PAPPA: variants seen among roughly 807,000 people sequenced by gnomAD.
PAPPA encodes pappalysin 1, also known as pappalysin-1.
Under a neutral mutation model 164.0 loss-of-function variants are expected in PAPPA, and 60 were observed. The ratio of observed to expected loss-of-function variants is 0.37; its 90% CI spans 0.30 to 0.45. PAPPA has a LOEUF of 0.45. PAPPA is among the 20% of genes least tolerant of loss of function. The pLI is 1.00. For synonymous variants in PAPPA, 875 were observed against 814.1 expected, an observed-to-expected ratio of 1.07 and a Z score of -1.27; for missense variants, 1,782 against 2,087.3, an observed-to-expected ratio of 0.85 and a Z score of 2.85.
chr9:116,317,869 C>A (rs150465084), intron 10 of PAPPA, among the ~76,000 whole-genome samples: 2 of 152,318 alleles, frequency 1.3e-5, no homozygotes, highest in African/African-American at 4.8e-5. Context: ...AGAGTCTACA[C>A]TGGTTTTATA....
At chr9:116,357,197 G>A (rs561946459) in intron 17 of PAPPA, among the ~76,000 whole-genome samples, 1 of 152,304 alleles carries the variant, frequency 6.6e-6, no homozygotes, top group South Asian at 2.1e-4. Flanking sequence ...ATGTAGCTAT[G>A]GAGCACTTGA....
At position 116,219,903 on chromosome 9, in the gene PAPPA, C is replaced by G; in HGVS notation, c.1919-34C>G. 2.6e-6 allele frequency: 4 copies of G among 1,565,920 alleles called. No homozygotes were observed. In the South Asian group the frequency reaches 3.4e-5, roughly 13 times the overall value. On this transcript the variant is annotated intron_variant, in intron 4 of 21. Coordinates refer to ENST00000328252, the MANE Select transcript of PAPPA (RefSeq NM_002581.5). The stretch of plus-strand genomic sequence containing the variant: ...TCTCATATGCCTGCCTGCCTTGCGG[C>G]TTGGTGCTTATCTCTCCCTCTGCCT...
At chr9:116,392,458 G>C (rs750606779) in intron 21 of PAPPA, among the ~76,000 whole-genome samples, 6 of 152,168 alleles carry the variant, frequency 3.9e-5, no homozygotes, top group Non-Finnish European at 7.3e-5. Flanking sequence ...AGGTGGTGCA[G>C]AGTCAGAGAG....
Position 116,353,701 on chromosome 9 carries a change from C to T in PAPPA, c.4255C>T (p.Pro1419Ser), listed in dbSNP as rs576491943. ...ACVPVTCDPPPPKFHGLYQCT... is the reference protein window; with the variant it reads ...ACVPVTCDPPSPKFHGLYQCT... Reference sequence around the variant, plus strand: ...TGTTCCTGTGACCTGTGACCCACCTCCACCAAAATTCCATGGGCTCTACCA... The same window carrying T: ...TGTTCCTGTGACCTGTGACCCACCTTCACCAAAATTCCATGGGCTCTACCA... The change falls in exon 17 of 22, where the codon CCA (proline) becomes TCA (serine). Residue 1419 changes from proline to serine, a missense_variant. Physicochemically the swap from Pro to Ser is moderately conservative, Grantham distance 74 (BLOSUM62 -1). This residue lies in a region of PAPPA where 1,324 missense variants were observed against 1,656.9 expected (regional missense o/e 0.80). Coordinates refer to ENST00000328252, the MANE Select transcript of PAPPA (RefSeq NM_002581.5). 1.2e-6 allele frequency: 2 copies of T among 1,614,114 alleles called. No homozygotes were observed. Among genetic ancestry groups the T allele is most frequent in the Admixed American group, 1.7e-5 (1 of 60,022 alleles).
chr9:116,382,605 G>A, intron 21 of PAPPA, 112 bp downstream of exon 21: 1 of 701,542 alleles, frequency 1.4e-6, no homozygotes, highest in Non-Finnish European at 2.6e-6. Context: ...TGCCAGCACT[G>A]TCCACACGCT....
intron 12 of PAPPA, 49 bp from the exon 13 acceptor site, chr9:116,334,812 G>T: frequency 6.9e-7 from 1 of 1,442,398 alleles, no homozygotes. Flanking sequence ...GGCGTGACTG[G>T]CCTTGAGTAA....
At chr9:116,292,412 C>T (rs1845448074) in intron 9 of PAPPA, among the ~76,000 whole-genome samples, 1 of 151,988 alleles carries the variant, frequency 6.6e-6, no homozygotes, top group Admixed American at 6.6e-5. Context: ...AATGATAGAA[C>T]AAATTAGATC....
intron 1 of PAPPA, among the ~76,000 whole-genome samples, chr9:116,180,933 G>A (rs1229639331): frequency 6.6e-6 from 1 of 152,168 alleles, no homozygotes; most frequent in Non-Finnish European, 1.5e-5. Context: ...TTTCTGATCT[G>A]TAAATAGTAC....
chr9:116,204,237 C>T (rs1337721102), intron 2 of PAPPA, among the ~76,000 whole-genome samples: 10 of 152,128 alleles, frequency 6.6e-5, no homozygotes, highest in South Asian at 2.1e-4. Flanking sequence ...AAAGCTTCTA[C>T]GCAGATTAAG....
At chr9:116,317,131 C>A (rs567443624) in intron 10 of PAPPA, among the ~76,000 whole-genome samples, 2 of 152,278 alleles carry the variant, frequency 1.3e-5, no homozygotes, top group African/African-American at 2.4e-5. Context: ...AAACAACAAC[C>A]TGGAAACTTC....
chr9:116,225,649 A>G (rs1429131154), intron 5 of PAPPA, among the ~76,000 whole-genome samples: 2 of 152,158 alleles, frequency 1.3e-5, no homozygotes, highest in Non-Finnish European at 2.9e-5. Flanking sequence ...CTATTTAATG[A>G]TTCTCTTATC....
chr9:116,332,047 C>A (rs1845999712), intron 11 of PAPPA, among the ~76,000 whole-genome samples: 1 of 151,856 alleles, frequency 6.6e-6, no homozygotes, highest in Admixed American at 6.6e-5. Flanking sequence ...TTTTTTTAAT[C>A]CACCATTTGG....
chr9:116,154,277 C>G lies in PAPPA; in HGVS notation c.105C>G (p.Gly35=). 1.9e-6 allele frequency: 2 copies of G among 1,032,660 alleles called. No individual in the cohort carries two copies. 64.0% of individuals were successfully genotyped at this position (1,032,660 alleles called of 1,614,324 possible). ...PRRARRDPRA[G]RPPRPAAGPA... ...GGGCCCGGAGAGACCCGCGGGCCGG[C>G]CGACCCCCGCGCCCCGCCGCCGGCC... The change falls in exon 1 of 22, where the codon GGC becomes GGG. Residue 35 remains glycine, a synonymous_variant. Transcript: ENST00000328252. The surrounding 1 kb of genome is among the most constrained non-coding windows in gnomAD (Gnocchi z 5.2).
At chr9:116,160,965 A>G (rs1843658672) in intron 1 of PAPPA, among the ~76,000 whole-genome samples, 1 of 151,932 alleles carries the variant, frequency 6.6e-6, no homozygotes, top group African/African-American at 2.4e-5. Context: ...GCCTCAGGGG[A>G]GAGGGTTTGG....
intron 9 of PAPPA, among the ~76,000 whole-genome samples, chr9:116,282,717 T>C (rs1182066164): frequency 6.6e-6 from 1 of 152,152 alleles, no homozygotes; most frequent in Non-Finnish European, 1.5e-5. Context: ...ATTAAGGTTA[T>C]CTAATAAAGT....
chr9:116,184,471 C>T (rs1843945981), intron 1 of PAPPA, among the ~76,000 whole-genome samples: 2 of 152,100 alleles, frequency 1.3e-5, no homozygotes, highest in South Asian at 2.1e-4. Flanking sequence ...TGTTTCCCGT[C>T]ATTTCCTCCC....
At chr9:116,389,534 C>A (rs1846862630) in intron 21 of PAPPA, among the ~76,000 whole-genome samples, 1 of 152,116 alleles carries the variant, frequency 6.6e-6, no homozygotes, top group South Asian at 2.1e-4. Context: ...TCTGACTTTG[C>A]CCCCTTTCCA....
chr9:116,262,746 A>G (rs1389222398), intron 7 of PAPPA, among the ~76,000 whole-genome samples: 1 of 152,206 alleles, frequency 6.6e-6, no homozygotes, highest in Non-Finnish European at 1.5e-5. Flanking sequence ...AAGGAGTTCA[A>G]GTGATAGCAT....
Position 116,250,259 on chromosome 9 carries a change from C to A in PAPPA, c.2732+14622C>A, listed in dbSNP as rs191862868. Among the ~76,000 whole-genome samples the A allele has an allele frequency of 5.9e-5, 9 of 152,296 alleles. 1 individual carries two copies. In the East Asian group the frequency reaches 1.7e-3, roughly 29 times the overall value. On this transcript the variant is annotated intron_variant, in intron 7 of 21. Transcript: ENST00000328252. The stretch of plus-strand genomic sequence containing the variant: ...CATGGGCTTTAATACAAGCCAGACA[C>A]AACCTCACTGTGCAAAGCAATGCCA...
Sources: allele counts gnomAD v4.1 joint callset (sites outside exome capture counted in the v4.1 genomes callset), GRCh38; gene constraint gnomAD v4.1.1; regional missense constraint gnomAD v4.1.1; non-coding constraint Gnocchi (gnomAD v3.1); transcripts MANE v1.5; gene names NCBI Gene and HGNC (gene_info 2026-07-23, HGNC 2026-07-21).